Variants in ZNF423 observed in about 807,000 individuals in gnomAD.
ZNF423 encodes Ebf-associated zinc finger protein.
In ZNF423, 12 loss-of-function variants were observed where a neutral mutation model predicts 95.8. That is an observed-to-expected ratio of 0.13 (90% CI 0.08 to 0.20). The LOEUF is 0.20. ZNF423 is among the 10% of genes least tolerant of loss of function. The pLI is 1.00. For synonymous variants in ZNF423, 749 were observed against 711.9 expected (o/e 1.05, Z -0.83); for missense variants, 1,316 against 1,737.1 (o/e 0.76, Z 4.31).
At chr16:49,590,833 G>A (rs763273297) in intron 5 of ZNF423, among the ~76,000 whole-genome samples, 25 of 152,194 alleles carry the variant, frequency 1.6e-4, no homozygotes, top group Admixed American at 1.4e-3. Flanking sequence ...CAGCCGGCCC[G>A]GTGAGGGCCT....
At chr16:49,542,128 C>T (rs1448694170) in intron 5 of ZNF423, among the ~76,000 whole-genome samples, 2 of 152,216 alleles carry the variant, frequency 1.3e-5, no homozygotes, top group African/African-American at 2.4e-5. Flanking sequence ...CCCTGCCTTG[C>T]AGATCTTCAG....
chr16:49,711,374 A>G (rs1705106843), intron 3 of ZNF423: 1 of 152,202 alleles, frequency 6.6e-6, no homozygotes, highest in African/African-American at 2.4e-5. Flanking sequence ...GCTAATAAGA[A>G]GTAGGGAGAT....
chr16:49,724,643 A>G (rs1388694616), intron 3 of ZNF423, among the ~76,000 whole-genome samples: 1 of 152,206 alleles, frequency 6.6e-6, no homozygotes, highest in Non-Finnish European at 1.5e-5. Context: ...ACGGCTGGCA[A>G]AGGTGCCAGC....
chr16:49,575,139 C>G (rs1970456437), intron 5 of ZNF423, among the ~76,000 whole-genome samples: 1 of 152,138 alleles, frequency 6.6e-6, no homozygotes, highest in Non-Finnish European at 1.5e-5. Flanking sequence ...GAAAGTGGCT[C>G]ATTCACGCGA....
intron 1 of ZNF423, among the ~76,000 whole-genome samples, chr16:49,805,918 G>A (rs2034655741): frequency 6.6e-6 from 1 of 152,258 alleles, no homozygotes. Context: ...ATCCAGGGTT[G>A]CAATGTGTGC....
intron 3 of ZNF423, among the ~76,000 whole-genome samples, chr16:49,706,028 A>G (rs1314215219): frequency 6.6e-6 from 1 of 152,158 alleles, no homozygotes; most frequent in African/African-American, 2.4e-5. Flanking sequence ...ACAGGGAGGC[A>G]CACTGCGGGG....
At chr16:49,737,346 G>A (rs2110829) in intron 2 of ZNF423, among the ~76,000 whole-genome samples, 62 of 151,520 alleles carry the variant, frequency 4.1e-4, no homozygotes, top group Non-Finnish European at 6.9e-4. Flanking sequence ...CTCAGCTCAC[G>A]GCAACCTCTG....
intron 3 of ZNF423, 50 bp downstream of exon 3, chr16:49,730,721 C>G (rs1259260398): frequency 6.3e-7 from 1 of 1,592,726 alleles, no homozygotes; most frequent in Admixed American, 1.7e-5. Context: ...TTGCTATGTC[C>G]AATTACCCGT....
chr16:49,493,961 C>T (rs1281407217), intron 7 of ZNF423, among the ~76,000 whole-genome samples: 2 of 152,264 alleles, frequency 1.3e-5, no homozygotes, highest in Middle Eastern at 3.4e-3. Flanking sequence ...ACATGATATT[C>T]GATCTCCACA....
intron 1 of ZNF423, among the ~76,000 whole-genome samples, chr16:49,797,489 T>C (rs941423900): frequency 6.6e-6 from 1 of 152,222 alleles, no homozygotes; most frequent in African/African-American, 2.4e-5. Context: ...CAGGGTCAAG[T>C]GCAGACAAAC....
chr16:49,834,165 G>C (rs907113601), intron 1 of ZNF423, among the ~76,000 whole-genome samples: 1 of 152,112 alleles, frequency 6.6e-6, no homozygotes, highest in South Asian at 2.1e-4. Context: ...CATCTCATCA[G>C]GCTTGCCTGG....
At chr16:49,797,057 C>T (rs541958190) in intron 1 of ZNF423, among the ~76,000 whole-genome samples, 1 of 152,114 alleles carries the variant, frequency 6.6e-6, no homozygotes, top group East Asian at 1.9e-4. Context: ...GGTGGCCAGG[C>T]AAGGGGCACG....
chr16:49,745,369 CA>C (rs1277234720), intron 2 of ZNF423, among the ~76,000 whole-genome samples: 1 of 152,156 alleles, frequency 6.6e-6, no homozygotes, highest in Non-Finnish European at 1.5e-5. Flanking sequence ...GAAATGCATT[CA>C]GGGGCAATAA....
At chr16:49,627,153 CCCAT>C (rs1596740110) in intron 4 of ZNF423, among the ~76,000 whole-genome samples, 2 of 150,122 alleles carry the variant, frequency 1.3e-5, no homozygotes, top group African/African-American at 4.9e-5. Context: ...CACCTATCCA[CCCAT>C]CCATCCATCC....
intron 3 of ZNF423, among the ~76,000 whole-genome samples, chr16:49,641,375 C>A (rs1016388650): frequency 1.3e-5 from 2 of 152,210 alleles, no homozygotes; most frequent in African/African-American, 4.8e-5. Context: ...AGGACTTGAT[C>A]TCCTTGGAGC....
chr16:49,599,315 T>C (rs927099820), intron 5 of ZNF423, among the ~76,000 whole-genome samples: 6 of 152,188 alleles, frequency 3.9e-5, no homozygotes, highest in African/African-American at 1.4e-4. Flanking sequence ...CTCACCCCAC[T>C]GCAATCAGTA....
At chr16:49,506,099 G>A (rs570098517) in intron 7 of ZNF423, among the ~76,000 whole-genome samples, 1 of 152,342 alleles carries the variant, frequency 6.6e-6, no homozygotes, top group South Asian at 2.1e-4. Flanking sequence ...CAGTTTTAAA[G>A]TAAGGAGAGG....
chr16:49,734,606 A>G (rs998524113), intron 2 of ZNF423, among the ~76,000 whole-genome samples: 2 of 152,208 alleles, frequency 1.3e-5, no homozygotes, highest in Admixed American at 6.5e-5. Flanking sequence ...CTGCAGCAGC[A>G]TGAAGACAGC....
chr16:49,542,776 T>G (rs1969299220), intron 5 of ZNF423, among the ~76,000 whole-genome samples: 1 of 152,162 alleles, frequency 6.6e-6, no homozygotes, highest in Non-Finnish European at 1.5e-5. Context: ...TGCCCAGATC[T>G]GCGTCCTCCA....
Sources: gnomAD v4.1 joint callset for allele counts (sites outside exome capture counted in the v4.1 genomes callset) on GRCh38, gnomAD v4.1.1 for gene constraint, MANE v1.5 for transcripts, NCBI Gene and HGNC (gene_info 2026-07-23, HGNC 2026-07-21) for gene names.